ARHGAP42: variants seen among roughly 807,000 people sequenced by gnomAD.
ARHGAP42 encodes Rho GTPase activating protein 42, also known as rho GTPase-activating protein 42.
Under a neutral mutation model 125.0 loss-of-function variants are expected in ARHGAP42, and 63 were observed. That is an observed-to-expected ratio of 0.50 (90% confidence interval 0.41 to 0.62). The LOEUF is 0.62. Among genes scored for constraint, ARHGAP42 ranks in the 20% least tolerant of loss-of-function variants. The pLI is 0.00. For synonymous variants in ARHGAP42, 339 were observed against 351.0 expected (o/e 0.97, Z 0.38); for missense variants, 766 against 1,024.2 (o/e 0.75, Z 3.44).
At chr11:100,779,465 A>ATT (rs1395445182) in intron 2 of ARHGAP42, among the ~76,000 whole-genome samples, 1 of 93,280 alleles carries the variant, frequency 1.1e-5, no homozygotes, top group Non-Finnish European at 2.0e-5. Flanking sequence ...AAAAAAAAAA[A>ATT]AAATATATAT....
In ARHGAP42 at chr11:100,704,967, GA is replaced by G. The variant is rs1167138744; in HGVS notation, c.154+17136del. Among the ~76,000 whole-genome samples, 474 of 60,502 alleles carry G rather than the reference GA, an allele frequency of 7.8e-3. 4 individuals carry two copies. Among genetic ancestry groups the G allele is most frequent in the African/African-American group, 0.034 (452 of 13,140 alleles). 39.7% of individuals were successfully genotyped at this position (60,502 alleles called of 152,430 possible). ...CACCACAGCCTGGGTGAGCCTGGGT[GA>G]GCCTGAGTGAGCCTGGGTGAGCCAA... is the stretch of plus-strand genomic sequence containing the variant. On this transcript the variant is annotated intron_variant, in intron 1 of 23. Transcript: ENST00000298815.
intron 3 of ARHGAP42, among the ~76,000 whole-genome samples, chr11:100,807,985 A>G (rs550229093): frequency 6.6e-6 from 1 of 152,332 alleles, no homozygotes; most frequent in Non-Finnish European, 1.5e-5. Flanking sequence ...TTGATAATAT[A>G]AAAGGTAAAT....
At chr11:100,871,865 G>T (rs973218419) in intron 4 of ARHGAP42, among the ~76,000 whole-genome samples, 1 of 152,006 alleles carries the variant, frequency 6.6e-6, no homozygotes, top group African/African-American at 2.4e-5. Context: ...TGCTTCAGCC[G>T]CCTGAGTAGC....
At chr11:100,846,956 C>T (rs1186844283) in intron 3 of ARHGAP42, among the ~76,000 whole-genome samples, 1 of 152,024 alleles carries the variant, frequency 6.6e-6, no homozygotes, top group African/African-American at 2.4e-5. Context: ...TAGGATGGCA[C>T]CAGGTTCAAG....
At chr11:100,948,009 T>C (rs1591314762) in intron 10 of ARHGAP42, among the ~76,000 whole-genome samples, 1 of 152,062 alleles carries the variant, frequency 6.6e-6, no homozygotes, top group African/African-American at 2.4e-5. Context: ...TTTTTACCTG[T>C]TACCTAGTTA....
chr11:100,760,654 T>C (rs1862679440), intron 1 of ARHGAP42, among the ~76,000 whole-genome samples: 1 of 151,786 alleles, frequency 6.6e-6, no homozygotes, highest in African/African-American at 2.4e-5. Context: ...TGAGCCGAGA[T>C]TGCGCCACTG....
intron 1 of ARHGAP42, among the ~76,000 whole-genome samples, chr11:100,752,572 T>C (rs943934086): frequency 2.0e-5 from 3 of 152,192 alleles, no homozygotes; most frequent in African/African-American, 7.2e-5. Context: ...AGCCACCCAG[T>C]GAGTCTGCCG....
At chr11:100,788,382 T>C (rs1863484394) in intron 2 of ARHGAP42, among the ~76,000 whole-genome samples, 1 of 152,222 alleles carries the variant, frequency 6.6e-6, no homozygotes, top group Non-Finnish European at 1.5e-5. Context: ...CATGTGTTTT[T>C]CATGTGAGCC....
chr11:100,928,680 C>T (rs1182069215), intron 6 of ARHGAP42, among the ~76,000 whole-genome samples: 4 of 152,126 alleles, frequency 2.6e-5, no homozygotes, highest in African/African-American at 9.7e-5. Context: ...AGTATATTCA[C>T]AGATCTGTGC....
At chr11:100,901,699 T>TGGGCATGGGACCCCCTGAGCC (rs1162490001) in intron 4 of ARHGAP42, among the ~76,000 whole-genome samples, 2 of 152,234 alleles carry the variant, frequency 1.3e-5, no homozygotes, top group Non-Finnish European at 1.5e-5. Flanking sequence ...CAAGGCTCCG[T>TGGGCATGGGACCCCCTGAGCC]GGGCATGGGA....
At chr11:100,792,164 C>G (rs942079064) in intron 2 of ARHGAP42, among the ~76,000 whole-genome samples, 1 of 152,130 alleles carries the variant, frequency 6.6e-6, no homozygotes, top group African/African-American at 2.4e-5. Context: ...TGTGCTCCTG[C>G]CAATCTAATA....
chr11:100,795,158 C>A lies in ARHGAP42; in HGVS notation c.304C>A (p.Arg102=). ...ACTCATTGCAGTAGAAGAAGAAAGG[C>A]GAAGACTGGTAAGTCTGTTCTGTAT... The part of the protein sequence containing the change: ...RLLIAVEEER[R]RLIQNANDVL... The change falls in exon 3 of 24, where the codon CGA becomes AGA. Residue 102 remains arginine, a synonymous_variant. Coordinates refer to ENST00000298815, the MANE Select transcript of ARHGAP42 (RefSeq NM_152432.4). 6.5e-7 allele frequency: 1 copy of A among 1,538,510 alleles called. No individual in the cohort carries two copies. Among genetic ancestry groups the A allele is most frequent in the Non-Finnish European group, 8.8e-7 (1 of 1,140,180 alleles).
chr11:100,893,192 T>A (rs1361007029), intron 4 of ARHGAP42, among the ~76,000 whole-genome samples: 1 of 151,946 alleles, frequency 6.6e-6, no homozygotes, highest in African/African-American at 2.4e-5. Flanking sequence ...TGTGTGTTTC[T>A]TTTTGAAATT....
chr11:100,835,309 A>C (rs1864759027), intron 3 of ARHGAP42, among the ~76,000 whole-genome samples: 1 of 152,140 alleles, frequency 6.6e-6, no homozygotes, highest in African/African-American at 2.4e-5. Flanking sequence ...CTGTATATAC[A>C]TTATCTTTAC....
intron 11 of ARHGAP42, among the ~76,000 whole-genome samples, chr11:100,949,109 A>G (rs1032409152): frequency 6.6e-6 from 1 of 152,112 alleles, no homozygotes; most frequent in Non-Finnish European, 1.5e-5. Context: ...TTCTTAAAGA[A>G]CACTGTTACT....
chr11:100,756,222 C>CA (rs56164175), intron 1 of ARHGAP42, among the ~76,000 whole-genome samples: 7,692 of 47,918 alleles, frequency 0.16, 1,243 homozygotes, highest in East Asian at 0.35. Flanking sequence ...CTTGTCTCTA[C>CA]AAAAAAAAAA....
At chr11:100,795,376 A>G (rs144175565) in intron 3 of ARHGAP42, among the ~76,000 whole-genome samples, 219 of 152,288 alleles carry the variant, frequency 1.4e-3, no homozygotes, top group African/African-American at 4.2e-3. Flanking sequence ...TATGCTTGGC[A>G]TATGTAGGTT....
intron 3 of ARHGAP42, among the ~76,000 whole-genome samples, chr11:100,854,478 A>G (rs1865279534): frequency 6.6e-6 from 1 of 152,194 alleles, no homozygotes; most frequent in Non-Finnish European, 1.5e-5. Flanking sequence ...ATAGCCTTAC[A>G]TAGCATTTGT....
At chr11:100,719,012 A>G (rs929158008) in intron 1 of ARHGAP42, among the ~76,000 whole-genome samples, 3 of 152,234 alleles carry the variant, frequency 2.0e-5, no homozygotes, top group African/African-American at 7.2e-5. Flanking sequence ...TATGTACCTT[A>G]TTGAATACAA....
Sources: allele counts gnomAD v4.1 joint callset (sites outside exome capture counted in the v4.1 genomes callset), GRCh38; gene constraint gnomAD v4.1.1; transcripts MANE v1.5; gene names NCBI Gene and HGNC (gene_info 2026-07-23, HGNC 2026-07-21).